Variants in RALYL observed in about 807,000 individuals in gnomAD.
The protein encoded by RALYL is RALY RNA binding protein like.
In RALYL, 29 loss-of-function variants were observed where a neutral mutation model predicts 35.1. The observed-to-expected ratio is 0.83, with a 90% CI of 0.61 to 1.13. RALYL has a LOEUF of 1.13. Ranked by LOEUF, RALYL falls within the 50% of genes most tolerant of loss-of-function variation. The pLI is 0.00. For missense variants in RALYL, 359 were observed against 360.4 expected (o/e 1.00, Z 0.03); for synonymous variants, 120 against 127.6 (o/e 0.94, Z 0.40).
At chr8:84,314,240 C>T (rs1843336294) in intron 1 of RALYL, among the ~76,000 whole-genome samples, 1 of 152,060 alleles carries the variant, frequency 6.6e-6, no homozygotes. Context: ...CCACCAGATC[C>T]CTCCCTTGAC....
At chr8:84,265,782 TC>T (rs1833182422) in intron 1 of RALYL, among the ~76,000 whole-genome samples, 1 of 152,216 alleles carries the variant, frequency 6.6e-6, no homozygotes, top group African/African-American at 2.4e-5. Context: ...GATAGTACCA[TC>T]CTTTACCTAA....
At chr8:84,705,173 C>T (rs775477844) in intron 2 of RALYL, among the ~76,000 whole-genome samples, 26 of 152,170 alleles carry the variant, frequency 1.7e-4, no homozygotes, top group Non-Finnish European at 3.2e-4. Context: ...CAGAAAAGGA[C>T]AGTACAAGCT....
chr8:84,749,787 A>G (rs1585921563), intron 2 of RALYL, among the ~76,000 whole-genome samples: 2 of 152,320 alleles, frequency 1.3e-5, no homozygotes, highest in Middle Eastern at 6.8e-3. Flanking sequence ...AAGAAACAAC[A>G]GAAGCCCAAG....
In RALYL at chr8:84,347,567, G is replaced by C. The variant is rs565189591; in HGVS notation, c.-24+163143G>C. ...GTTAGTTAGGATCTCTTCCCATTTA[G>C]TTTTAATCTAATATATCCTTCTTCT... On this transcript the variant is annotated intron_variant, in intron 1 of 8. Transcript: ENST00000521268. Among the ~76,000 whole-genome samples the C allele has an allele frequency of 3.3e-5, 5 of 152,122 alleles. No individual in the cohort carries two copies. The South Asian group carries it at 8.3e-4, about 25-fold the overall frequency.
intron 1 of RALYL, among the ~76,000 whole-genome samples, chr8:84,525,078 T>C (rs1349196278): frequency 8.0e-6 from 1 of 125,082 alleles, no homozygotes; most frequent in Non-Finnish European, 1.8e-5. Context: ...TTAATCATAC[T>C]AGCCAGATTT....
chr8:84,449,078 GTTT>G (rs1554671924), intron 1 of RALYL, among the ~76,000 whole-genome samples: 2 of 124,236 alleles, frequency 1.6e-5, no homozygotes. Context: ...TAGTTTTTTT[GTTT>G]TTTTTTTTTT....
intron 4 of RALYL, among the ~76,000 whole-genome samples, chr8:84,831,402 C>G (rs1830899217): frequency 6.6e-6 from 1 of 151,930 alleles, no homozygotes; most frequent in Non-Finnish European, 1.5e-5. Flanking sequence ...GTGAAGATGC[C>G]GGAAAGACAT....
intron 1 of RALYL, among the ~76,000 whole-genome samples, chr8:84,482,566 C>G (rs996044128): frequency 2.0e-5 from 3 of 151,976 alleles, no homozygotes; most frequent in African/African-American, 7.2e-5. Context: ...CACACTTAAG[C>G]CACTCAAAAT....
At chr8:84,716,796 A>C (rs932170503) in intron 2 of RALYL, among the ~76,000 whole-genome samples, 1 of 152,212 alleles carries the variant, frequency 6.6e-6, no homozygotes, top group Non-Finnish European at 1.5e-5. Flanking sequence ...AATGGACATA[A>C]AAATTTATTT....
intron 2 of RALYL, among the ~76,000 whole-genome samples, chr8:84,651,710 G>T (rs1828868225): frequency 6.6e-6 from 1 of 151,940 alleles, no homozygotes; most frequent in African/African-American, 2.4e-5. Flanking sequence ...CGTGTTATAT[G>T]AAAAAAACTT....
chr8:84,920,763 C>A, intron 8 of RALYL, 131 bp from the exon 9 acceptor site: 1 of 409,402 alleles, frequency 2.4e-6, no homozygotes, highest in South Asian at 1.1e-4. Context: ...ATTATTTGTC[C>A]TAAATATCTA....
intron 1 of RALYL, among the ~76,000 whole-genome samples, chr8:84,493,204 G>A (rs1235483782): frequency 1.3e-5 from 2 of 152,072 alleles, no homozygotes; most frequent in Non-Finnish European, 2.9e-5. Flanking sequence ...TGCTGAGGAT[G>A]ATGGCTTCCA....
intron 1 of RALYL, among the ~76,000 whole-genome samples, chr8:84,221,174 C>A (rs913690152): frequency 6.6e-6 from 1 of 151,952 alleles, no homozygotes; most frequent in Non-Finnish European, 1.5e-5. Context: ...TATTACTTTG[C>A]ATATTACAGT....
At chr8:84,572,184 T>C (rs894919772) in intron 2 of RALYL, among the ~76,000 whole-genome samples, 5 of 151,804 alleles carry the variant, frequency 3.3e-5, no homozygotes, top group Non-Finnish European at 7.4e-5. Context: ...GTCTCTTGTA[T>C]GCAGCAGATG....
chr8:84,782,707 C>T (rs1038009180), intron 3 of RALYL, among the ~76,000 whole-genome samples: 7 of 152,180 alleles, frequency 4.6e-5, no homozygotes, highest in East Asian at 1.9e-4. Flanking sequence ...CCAACAACAG[C>T]GCTAGTCCCT....
chr8:84,471,645 A>G (rs1323969079), intron 1 of RALYL, among the ~76,000 whole-genome samples: 2 of 152,196 alleles, frequency 1.3e-5, no homozygotes, highest in Non-Finnish European at 2.9e-5. Context: ...TCAACATTGT[A>G]TGAAAATAAA....
At chr8:84,524,407 T>C (rs1166206081) in intron 1 of RALYL, among the ~76,000 whole-genome samples, 1 of 152,118 alleles carries the variant, frequency 6.6e-6, no homozygotes, top group African/African-American at 2.4e-5. Flanking sequence ...AGAGATACCA[T>C]CTCACACCAG....
intron 1 of RALYL, among the ~76,000 whole-genome samples, chr8:84,391,518 G>A (rs1048327445): frequency 1.3e-5 from 2 of 151,926 alleles, no homozygotes; most frequent in Non-Finnish European, 2.9e-5. Context: ...CTCCTTTTCA[G>A]TTCATTGTAC....
At chr8:84,714,822 C>A (rs1271633833) in intron 2 of RALYL, among the ~76,000 whole-genome samples, 1 of 151,764 alleles carries the variant, frequency 6.6e-6, no homozygotes, top group Non-Finnish European at 1.5e-5. Context: ...GTATAATAAG[C>A]CATTATGCCA....
Sources: allele counts gnomAD v4.1 joint callset (sites outside exome capture counted in the v4.1 genomes callset), GRCh38; gene constraint gnomAD v4.1.1; transcripts MANE v1.5; gene names NCBI Gene and HGNC (gene_info 2026-07-23, HGNC 2026-07-21).